Variants in IRAK3 observed in about 807,000 individuals in gnomAD.
The protein encoded by IRAK3 is interleukin 1 receptor associated kinase 3.
IRAK3 carries 57 observed loss-of-function variants against 56.6 expected under a neutral mutation model. That is an observed-to-expected ratio of 1.01 (90% confidence interval 0.81 to 1.26). The LOEUF is 1.26. IRAK3 is among the 50% of genes most tolerant of loss of function. The probability of loss-of-function intolerance (pLI) is 0.00; values close to 1 mark genes in which losing one functional copy is unlikely to be tolerated. For missense variants in IRAK3, 703 were observed against 719.0 expected (o/e 0.98, Z 0.25); for synonymous variants, 258 against 255.7 (o/e 1.01, Z -0.09).
intron 5 of IRAK3, among the ~76,000 whole-genome samples, chr12:66,213,226 T>C (rs1592585071): frequency 1.3e-5 from 2 of 152,064 alleles, no homozygotes; most frequent in Admixed American, 1.3e-4. Flanking sequence ...GTGAGACTTA[T>C]TCACTGTCAC....
intron 5 of IRAK3, among the ~76,000 whole-genome samples, chr12:66,213,030 C>A (rs2052627943): frequency 6.6e-6 from 1 of 150,948 alleles, no homozygotes; most frequent in African/African-American, 2.4e-5. Context: ...CACATGTATC[C>A]AGAGCTTAAA....
At chr12:66,233,526 A>G (rs927191648) in intron 8 of IRAK3, among the ~76,000 whole-genome samples, 9 of 151,722 alleles carry the variant, frequency 5.9e-5, no homozygotes, top group African/African-American at 2.2e-4. Context: ...TCGGAAAAAA[A>G]AAAAGGCCGG....
intron 8 of IRAK3, among the ~76,000 whole-genome samples, chr12:66,243,834 A>G (rs531651107): frequency 6.6e-6 from 1 of 152,326 alleles, no homozygotes; most frequent in Non-Finnish European, 1.5e-5. Flanking sequence ...CTTTGAAGGT[A>G]AAAGTAAGCC....
chr12:66,252,589 T>C lies in IRAK3; in HGVS notation c.*4418T>C, dbSNP rs2053111201. ...ATAAATACTTAGCAATGGCTTCCTT[T>C]GTATCAGGCACTATTCTAGGAGCTG... On this transcript the variant is annotated 3_prime_UTR_variant, in exon 12 of 12. Coordinates refer to ENST00000261233, the MANE Select transcript of IRAK3 (RefSeq NM_007199.3). 1 of 152,230 alleles carries C rather than the reference T, an allele frequency of 6.6e-6. No individual in the cohort carries two copies. Among genetic ancestry groups the C allele is most frequent in the Admixed American group, 6.5e-5 (1 of 15,278 alleles). The allele number at this position is 152,230 out of a possible 1,614,324, so 9.4% of individuals were successfully genotyped here.
chr12:66,202,622 G>T (rs11176087), intron 1 of IRAK3, among the ~76,000 whole-genome samples: 2 of 146,078 alleles, frequency 1.4e-5, no homozygotes, highest in Admixed American at 1.4e-4. Flanking sequence ...TACCAAAAAA[G>T]AAAAAAAAAA....
chr12:66,237,785 T>G (rs1006628268), intron 8 of IRAK3, among the ~76,000 whole-genome samples: 5 of 152,210 alleles, frequency 3.3e-5, no homozygotes, highest in Non-Finnish European at 7.3e-5. Flanking sequence ...GAACTAAATT[T>G]TTGATGTTTG....
chr12:66,190,648 G>C (rs2052390589), intron 1 of IRAK3, among the ~76,000 whole-genome samples: 1 of 152,178 alleles, frequency 6.6e-6, no homozygotes, highest in South Asian at 2.1e-4. Context: ...TGATAGCATT[G>C]AAATCCAGAT....
At position 66,228,127 on chromosome 12, in the gene IRAK3, C is replaced by T. The variant is rs772521917; in HGVS notation, c.769-125C>T. The T allele has an allele frequency of 1.0e-5, 8 of 798,092 alleles. No homozygotes were observed. In the South Asian group the frequency reaches 1.1e-4, roughly 11 times the overall value. 49.4% of individuals were successfully genotyped at this position (798,092 alleles called of 1,614,324 possible). A position where few individuals can be genotyped will look rare whatever the true frequency, so the allele number is the denominator to read the frequency against. On this transcript the variant is annotated intron_variant, in intron 7 of 11. Coordinates refer to ENST00000261233, the MANE Select transcript of IRAK3 (RefSeq NM_007199.3). ...AAAAATAGGTTTTGGAAAACCAAAA[C>T]GTTGATTCACCCACCTCACCCCACC...
chr12:66,219,264 C>A (rs1184195289), intron 6 of IRAK3, among the ~76,000 whole-genome samples: 3 of 152,196 alleles, frequency 2.0e-5, no homozygotes, highest in Non-Finnish European at 2.9e-5. Flanking sequence ...CCTGAATATA[C>A]TCCCATAGTT....
chr12:66,244,009 T>C (rs1234098441), intron 8 of IRAK3, among the ~76,000 whole-genome samples: 2 of 152,224 alleles, frequency 1.3e-5, no homozygotes, highest in Non-Finnish European at 2.9e-5. Flanking sequence ...AGGGCTGCCA[T>C]GAGGGCAGGG....
At chr12:66,224,720 G>T (rs183679408) in intron 6 of IRAK3, among the ~76,000 whole-genome samples, 92 of 152,204 alleles carry the variant, frequency 6.0e-4, no homozygotes, top group African/African-American at 1.5e-3. Context: ...TACAGTTAAA[G>T]GAACAGGCTC....
chr12:66,203,032 T>A (rs1456833830), intron 1 of IRAK3, among the ~76,000 whole-genome samples: 1 of 151,928 alleles, frequency 6.6e-6, no homozygotes, highest in Non-Finnish European at 1.5e-5. Flanking sequence ...AAACAGTTCA[T>A]GAAGGAAAAA....
intron 8 of IRAK3, among the ~76,000 whole-genome samples, chr12:66,239,433 C>T (rs1174713905): frequency 1.3e-5 from 2 of 152,100 alleles, no homozygotes; most frequent in Non-Finnish European, 2.9e-5. Flanking sequence ...AGATTGGCCC[C>T]TCCCTGCCAC....
rs1019432832 is a variant in IRAK3 at position 66,245,592 on chromosome 12, C to T, written c.1314+330C>T. On this transcript the variant is annotated intron_variant, in intron 11 of 11. Transcript: ENST00000261233. Reference sequence around the variant, plus strand: ...TCACTCTGCTGCCCAGGCTGGAGTGCAGTGGCACGGCCCACTGCAACCTCC... The same window carrying T: ...TCACTCTGCTGCCCAGGCTGGAGTGTAGTGGCACGGCCCACTGCAACCTCC... Among the ~76,000 whole-genome samples the T allele has an allele frequency of 3.3e-3, 41 of 12,478 alleles. No individual in the cohort carries two copies. The Non-Finnish European group carries it at 0.093, about 28-fold the overall frequency. 8.2% of individuals were successfully genotyped at this position (12,478 alleles called of 152,430 possible). A position where few individuals can be genotyped will look rare whatever the true frequency, so the allele number is the denominator to read the frequency against.
intron 1 of IRAK3, among the ~76,000 whole-genome samples, chr12:66,200,271 G>A (rs2052494229): frequency 6.6e-6 from 1 of 152,194 alleles, no homozygotes; most frequent in Non-Finnish European, 1.5e-5. Context: ...AAATCTCAGT[G>A]GTTTAACATA....
intron 6 of IRAK3, among the ~76,000 whole-genome samples, chr12:66,220,151 A>G (rs570404705): frequency 6.6e-6 from 1 of 152,242 alleles, no homozygotes; most frequent in African/African-American, 2.4e-5. Context: ...AATTTTCCCT[A>G]TGTTTTCTTC....
At position 66,254,571 on chromosome 12, in the gene IRAK3, A is replaced by T. The variant is rs2136960902; in HGVS notation, c.*6400A>T. 1 of 151,840 alleles carries T rather than the reference A, an allele frequency of 6.6e-6. No individual in the cohort carries two copies. The highest frequency in any genetic ancestry group is 2.4e-5 in the African/African-American group (1 of 41,434). 9.4% of individuals were successfully genotyped at this position (151,840 alleles called of 1,614,324 possible). ...TCATGTGTGTTTGAAACTTTTTATA[A>T]TGAACATATATCATTTTTATTAGAA... On this transcript the variant is annotated 3_prime_UTR_variant, in exon 12 of 12. Transcript: ENST00000261233.
Position 66,248,493 on chromosome 12 carries a change from G to T in IRAK3, c.*322G>T. On this transcript the variant is annotated 3_prime_UTR_variant, in exon 12 of 12. Transcript: ENST00000261233. ...AAACCTACCAAAAAGGGACTGGATT[G>T]TAATGTCCTCTCCATCATCCTCAGT... The T allele has an allele frequency of 4.3e-6, 1 of 231,258 alleles. No homozygotes were observed. 14.3% of individuals were successfully genotyped at this position (231,258 alleles called of 1,614,324 possible).
intron 7 of IRAK3, among the ~76,000 whole-genome samples, chr12:66,227,075 AT>A (rs2052794630): frequency 6.6e-6 from 1 of 152,194 alleles, no homozygotes; most frequent in Non-Finnish European, 1.5e-5. Context: ...GTTCTTACTC[AT>A]TATATGGTAA....
Sources: allele counts gnomAD v4.1 joint callset (sites outside exome capture counted in the v4.1 genomes callset), GRCh38; gene constraint gnomAD v4.1.1; transcripts MANE v1.5; gene names NCBI Gene and HGNC (gene_info 2026-07-23, HGNC 2026-07-21).